DHX29: variants seen among roughly 807,000 people sequenced by gnomAD.
DHX29 encodes the protein DExH-box helicase 29, also known as ATP-dependent RNA helicase DHX29.
A neutral mutation model predicts 167.9 loss-of-function variants in DHX29; 79 were observed. The ratio of observed to expected loss-of-function variants is 0.47; its 90% CI spans 0.39 to 0.57. DHX29 has a LOEUF of 0.57. Among genes scored for constraint, DHX29 ranks in the 20% least tolerant of loss-of-function variants. The pLI is 0.00. For missense variants in DHX29, 1,347 were observed against 1,593.4 expected (o/e 0.85, Z 2.63); for synonymous variants, 530 against 546.0 (o/e 0.97, Z 0.41).
chr5:55,305,002 TG>T (rs1748791917), intron 1 of DHX29, among the ~76,000 whole-genome samples: 1 of 152,234 alleles, frequency 6.6e-6, no homozygotes, highest in Non-Finnish European at 1.5e-5. Context: ...TTTTTTCTCT[TG>T]ATTTCTTGGT....
At chr5:55,300,910 C>T (rs987595543) in intron 1 of DHX29, among the ~76,000 whole-genome samples, 13 of 152,058 alleles carry the variant, frequency 8.5e-5, no homozygotes, top group Non-Finnish European at 1.3e-4. Flanking sequence ...TTGGGAAGTC[C>T]AAGATTAGGG....
chr5:55,294,090 T>C lies in DHX29; in HGVS notation c.707A>G (p.Tyr236Cys). The part of the protein sequence containing the change: ...EVNMKEWILR[Y>C]AEQQNEEEKN... ...TTCTTCTTCATTTTGTTGTTCAGCA[T>C]ATCGTAAAATCCACTCTTTCATATT... Residue 236 changes from tyrosine (Y) to cysteine (C), a missense_variant, in exon 6 of 27, where the codon TAT becomes TGT. By Grantham distance (194) the Tyr-to-Cys change is radical. This residue lies in a region of DHX29 where 405 missense variants were observed against 416.8 expected (regional missense o/e 0.97). Coordinates refer to ENST00000251636, the MANE Select transcript of DHX29 (RefSeq NM_019030.4). 6.2e-7 allele frequency: 1 copy of C among 1,607,008 alleles called. No individual in the cohort carries two copies. Among genetic ancestry groups the C allele is most frequent in the Non-Finnish European group, 8.5e-7 (1 of 1,177,080 alleles).
intron 13 of DHX29, among the ~76,000 whole-genome samples, 157 bp downstream of exon 13, chr5:55,276,949 A>G (rs1747144583): frequency 1.3e-5 from 2 of 152,188 alleles, no homozygotes; most frequent in African/African-American, 4.8e-5. Flanking sequence ...GCAAGGCAGT[A>G]ACAGTCATCT....
In DHX29 at chr5:55,272,130, C is replaced by T; in HGVS notation, c.2821G>A (p.Asp941Asn). ...NIAETGITIP[D>N]VVFVIDTGRT... Reference sequence around the variant, plus strand: ...CCAGTATCAATTACAAATACAACATCAGGAATAGTGATACCCGTCTCTGCA... The same window carrying T: ...CCAGTATCAATTACAAATACAACATTAGGAATAGTGATACCCGTCTCTGCA... The change falls in exon 18 of 27, where the codon GAT (aspartate) becomes AAT (asparagine). Residue 941 changes from aspartate (D) to asparagine (N), a missense_variant. Asp to Asn is a conservative substitution (Grantham distance 23). This residue lies in a region of DHX29 where 882 missense variants were observed against 1,082.4 expected (regional missense o/e 0.81). Transcript: ENST00000251636. The T allele has an allele frequency of 6.3e-7, 1 of 1,582,294 alleles. No homozygotes were observed. Among genetic ancestry groups the T allele is most frequent in the Non-Finnish European group, 8.6e-7 (1 of 1,167,382 alleles).
At chr5:55,261,551 G>A (rs752667084) in intron 24 of DHX29, 52 bp from the exon 25 acceptor site, 1 of 1,147,276 alleles carries the variant, frequency 8.7e-7, no homozygotes, top group Non-Finnish European at 1.3e-6. Context: ...AATAGAAGGA[G>A]GTCATTTATC....
At position 55,306,249 on chromosome 5, in the gene DHX29, G is replaced by A. The variant is rs555367890; in HGVS notation, c.187+1138C>T. ...CAGTCTCATCTCATTTCATCCTTTG[G>A]CGATGCTTTATGTTCTGTGAATTCC... On this transcript the variant is annotated intron_variant, in intron 1 of 26. Transcript: ENST00000251636. 3.0e-4 allele frequency among the ~76,000 whole-genome samples: 46 copies of A among 152,102 alleles called. No individual in the cohort carries two copies. The South Asian group carries it at 9.2e-3, about 30-fold the overall frequency.
chr5:55,260,005 G>C, intron 25 of DHX29, 61 bp from the exon 26 acceptor site: 2 of 901,716 alleles, frequency 2.2e-6, no homozygotes, highest in Non-Finnish European at 3.5e-6. Context: ...ATGTGTTTAA[G>C]TAAATCAAGG....
At chr5:55,275,789 G>A (rs562784344) in intron 14 of DHX29, among the ~76,000 whole-genome samples, 16 of 152,018 alleles carry the variant, frequency 1.1e-4, no homozygotes, top group South Asian at 8.3e-4. Context: ...GTGTCTGTCT[G>A]TCTATCTATC....
intron 1 of DHX29, among the ~76,000 whole-genome samples, chr5:55,302,116 G>T (rs371140140): frequency 6.6e-6 from 1 of 152,072 alleles, no homozygotes; most frequent in South Asian, 2.1e-4. Context: ...TTTCCTTATC[G>T]TCTAGTCTCA....
chr5:55,303,873 A>G (rs1022874979), intron 1 of DHX29, among the ~76,000 whole-genome samples: 1 of 152,068 alleles, frequency 6.6e-6, no homozygotes, highest in East Asian at 1.9e-4. Flanking sequence ...CACTTTTTCT[A>G]TTTTAGTGAC....
chr5:55,272,825 GA>G (rs1035397430), intron 17 of DHX29, among the ~76,000 whole-genome samples: 2 of 151,344 alleles, frequency 1.3e-5, no homozygotes, highest in African/African-American at 2.4e-5. Flanking sequence ...CTATTATTAG[GA>G]AAAAAAAATC....
At chr5:55,259,969 G>T in intron 25 of DHX29, 25 bp from the exon 26 acceptor site, 1 of 1,420,424 alleles carries the variant, frequency 7.0e-7, no homozygotes, top group South Asian at 1.2e-5. Context: ...TGAAAAAATG[G>T]ACAAAGTCAA....
Position 55,270,350 on chromosome 5 carries a change from A to G in DHX29, c.3069+62T>C, listed in dbSNP as rs903207903. ...CAATATAAGGTAAGTTTAGGTGTTCATTTTTTTTCTTTTCTAGAAAGGGGC... is the reference window on the plus strand; with the variant it reads ...CAATATAAGGTAAGTTTAGGTGTTCGTTTTTTTTCTTTTCTAGAAAGGGGC... On this transcript the variant is annotated intron_variant, in intron 20 of 26. Coordinates refer to ENST00000251636, the MANE Select transcript of DHX29 (RefSeq NM_019030.4). 7 of 1,498,274 alleles carry G rather than the reference A, an allele frequency of 4.7e-6. No individual in the cohort carries two copies. In the Admixed American group the frequency reaches 1.8e-4, roughly 38 times the overall value. The allele number at this position is 1,498,274 out of a possible 1,614,324, so 92.8% of individuals were successfully genotyped here. A position where few individuals can be genotyped will look rare whatever the true frequency, so the allele number is the denominator to read the frequency against.
intron 1 of DHX29, among the ~76,000 whole-genome samples, chr5:55,299,853 T>C (rs1035935874): frequency 6.6e-6 from 1 of 152,176 alleles, no homozygotes; most frequent in Non-Finnish European, 1.5e-5. Context: ...CCCACTACAG[T>C]TGCCAAGTCT....
At chr5:55,299,291 G>A (rs1452049088) in intron 1 of DHX29, among the ~76,000 whole-genome samples, 3 of 152,034 alleles carry the variant, frequency 2.0e-5, no homozygotes, top group Non-Finnish European at 4.4e-5. Flanking sequence ...ACTTAGCTGA[G>A]GCAAAACTTC....
chr5:55,269,372 G>C (rs1746738041), intron 21 of DHX29, 41 bp downstream of exon 21: 1 of 1,588,424 alleles, frequency 6.3e-7, no homozygotes. Context: ...CCTGGTCAAA[G>C]GATATTTAAA....
chr5:55,279,723 T>C (rs1336873839), intron 12 of DHX29: 1 of 155,868 alleles, frequency 6.4e-6, no homozygotes, highest in East Asian at 1.9e-4. Context: ...TGTTTTGTTT[T>C]GTTTTGCTGT....
Position 55,274,834 on chromosome 5 carries a change from C to A in DHX29, c.2572+32G>T. On this transcript the variant is annotated intron_variant, in intron 15 of 26. Coordinates refer to ENST00000251636, the MANE Select transcript of DHX29 (RefSeq NM_019030.4). ...AGCTAGTAGAAATGTTTTATCAAAT[C>A]AAATGGAGACCCATTAGAAATAGAA... 3 of 1,593,982 alleles carry A rather than the reference C, an allele frequency of 1.9e-6. No homozygotes were observed. The South Asian group carries it at 3.4e-5, about 18-fold the overall frequency.
At chr5:55,272,760 A>G (rs1389738533) in intron 17 of DHX29, among the ~76,000 whole-genome samples, 4 of 152,186 alleles carry the variant, frequency 2.6e-5, no homozygotes, top group South Asian at 2.1e-4. Context: ...ACAAAAAAAC[A>G]TAAGTAGAAT....
Sources: allele counts gnomAD v4.1 joint callset (sites outside exome capture counted in the v4.1 genomes callset), GRCh38; gene constraint gnomAD v4.1.1; regional missense constraint gnomAD v4.1.1; transcripts MANE v1.5; gene names NCBI Gene and HGNC (gene_info 2026-07-23, HGNC 2026-07-21).